The following ADGRE1 variants were observed in gnomAD, a reference collection of about 807,000 sequenced individuals.
ADGRE1 encodes adhesion G protein-coupled receptor E1.
ADGRE1 carries 82 observed loss-of-function variants against 102.7 expected under a neutral mutation model. The observed-to-expected ratio is 0.80, with a 90% CI of 0.67 to 0.96. ADGRE1 has a LOEUF of 0.96. Among genes scored for constraint, ADGRE1 ranks in the 40% least tolerant of loss-of-function variants. The probability of loss-of-function intolerance (pLI) is 0.00; values close to 1 mark genes in which losing one functional copy is unlikely to be tolerated. For synonymous variants in ADGRE1, 398 were observed against 399.6 expected (o/e 1.00, Z 0.05); for missense variants, 1,032 against 1,085.3 (o/e 0.95, Z 0.69).
In ADGRE1 at chr19:6,898,168, G is replaced by A. The variant is rs448152; in HGVS notation, c.514+621G>A. 1.9e-3 allele frequency: 1,319 copies of A among 694,102 alleles called. 18 individuals are homozygous for A. In the South Asian group the frequency reaches 0.022, roughly 11 times the overall value. The allele number at this position is 694,102 out of a possible 1,614,324, so 43.0% of individuals were successfully genotyped here. ...GTATGCTCAGATTCAAGATGGGGAC[G>A]TACCTTCCATTGCTTGACAGAAGAA... On this transcript the variant is annotated intron_variant, in intron 5 of 20. Transcript: ENST00000312053.
At chr19:6,915,940 A>C (rs1391801881) in intron 11 of ADGRE1, among the ~76,000 whole-genome samples, 1 of 150,990 alleles carries the variant, frequency 6.6e-6, no homozygotes, top group African/African-American at 2.4e-5. Context: ...AAAAAAAAAA[A>C]AAAAAACTTA....
At chr19:6,926,228 C>A (rs1974900964) in intron 15 of ADGRE1, 138 bp from the exon 16 acceptor site, 1 of 903,998 alleles carries the variant, frequency 1.1e-6, no homozygotes, top group Non-Finnish European at 1.7e-6. Context: ...AACCACTGCA[C>A]CTCTCTATAA....
At chr19:6,920,516 C>CATTTTT (rs1974612981) in intron 13 of ADGRE1, among the ~76,000 whole-genome samples, 1 of 75,736 alleles carries the variant, frequency 1.3e-5, no homozygotes, top group Non-Finnish European at 2.4e-5. Flanking sequence ...ACCATGCCCG[C>CATTTTT]TTTTTTTTTT....
At chr19:6,898,388 G>A (rs1257207274) in intron 5 of ADGRE1, 1 of 1,601,776 alleles carries the variant, frequency 6.2e-7, no homozygotes, top group Non-Finnish European at 8.6e-7. Context: ...TACAAGTGCA[G>A]CTGTTTAGAT....
Position 6,890,560 on chromosome 19 carries a change from G to T in ADGRE1, c.94+17G>T, listed in dbSNP as rs762363187. The T allele has an allele frequency of 2.5e-6, 4 of 1,611,242 alleles. No individual in the cohort carries two copies. In the African/African-American group the frequency reaches 5.4e-5, roughly 22 times the overall value. ...ACACAAAGGGTAAGTTGGCCAGAGA[G>T]AATGCAGATGCCTGAAGGGGTAGAG... On this transcript the variant is annotated intron_variant, in intron 2 of 20. Coordinates refer to ENST00000312053, the MANE Select transcript of ADGRE1 (RefSeq NM_001974.5).
At chr19:6,896,595 A>C in intron 3 of ADGRE1, 54 bp downstream of exon 3, 1 of 1,589,374 alleles carries the variant, frequency 6.3e-7, no homozygotes, top group South Asian at 1.1e-5. Context: ...ATCAAGTCAA[A>C]GCTGGCTGGG....
At position 6,937,327 on chromosome 19, in the gene ADGRE1, A is replaced by G. The variant is rs1364050763; in HGVS notation, c.2466A>G (p.Ala822=). 2 of 1,614,056 alleles carry G rather than the reference A, an allele frequency of 1.2e-6. No individual in the cohort carries two copies. The highest frequency in any genetic ancestry group is 1.7e-6 in the Non-Finnish European group (2 of 1,180,008). ...GCATTTTTCAGATTGGACCTGTGGC[A>G]GGTGTCATGGCTTACCTGTTCACCA... is the stretch of plus-strand genomic sequence containing the variant. ...VLGIFQIGPV[A]GVMAYLFTII... The change falls in exon 19 of 21, where the codon GCA becomes GCG. Residue 822 remains alanine, a synonymous_variant. Coordinates refer to ENST00000312053, the MANE Select transcript of ADGRE1 (RefSeq NM_001974.5).
chr19:6,911,916 TACAC>T (rs1193992402), intron 10 of ADGRE1, among the ~76,000 whole-genome samples: 1 of 150,708 alleles, frequency 6.6e-6, no homozygotes, highest in Non-Finnish European at 1.5e-5. Flanking sequence ...TTTACACACA[TACAC>T]ACATGTATAC....
At position 6,897,268 on chromosome 19, in the gene ADGRE1, T is replaced by A; in HGVS notation, c.358T>A (p.Trp120Arg). 1.9e-6 allele frequency: 3 copies of A among 1,613,922 alleles called. No homozygotes were observed. Among genetic ancestry groups the A allele is most frequent in the Non-Finnish European group, 2.5e-6 (3 of 1,179,992 alleles). ...DGFSSPTGNDWVPGKPGNFSC... is the reference protein window; with the variant it reads ...DGFSSPTGNDRVPGKPGNFSC... ...TTTCTCTTCTCCCACTGGAAATGAC[T>A]GGGTCCCAGGAAAGCCGGGCAATTT... Residue 120 changes from tryptophan (W) to arginine (R), a missense_variant, in exon 4 of 21, where the codon TGG becomes AGG. By Grantham distance (101) the Trp-to-Arg change is moderately radical. Coordinates refer to ENST00000312053, the MANE Select transcript of ADGRE1 (RefSeq NM_001974.5).
intron 1 of ADGRE1, among the ~76,000 whole-genome samples, chr19:6,888,874 G>A (rs374882357): frequency 6.6e-6 from 1 of 152,148 alleles, no homozygotes; most frequent in Non-Finnish European, 1.5e-5. Flanking sequence ...TTGGGGTGTT[G>A]GCAATGGTAT....
chr19:6,934,654 G>A (rs1433507881), intron 17 of ADGRE1, among the ~76,000 whole-genome samples: 2 of 149,362 alleles, frequency 1.3e-5, no homozygotes, highest in Non-Finnish European at 3.0e-5. Flanking sequence ...CTGGAGTGCA[G>A]TAGCACAATC....
chr19:6,929,622 A>G (rs1339552130), intron 17 of ADGRE1, among the ~76,000 whole-genome samples: 6 of 151,894 alleles, frequency 4.0e-5, no homozygotes, highest in African/African-American at 1.5e-4. Flanking sequence ...TCCTGGGTTC[A>G]AGCAATTATT....
chr19:6,924,982 A>C, intron 15 of ADGRE1, 110 bp downstream of exon 15: 2 of 1,139,884 alleles, frequency 1.8e-6, no homozygotes, highest in Non-Finnish European at 2.5e-6. Flanking sequence ...GGGCCTTTGC[A>C]TATGCTGTGC....
chr19:6,901,378 A>C (rs1366718448), intron 5 of ADGRE1, among the ~76,000 whole-genome samples: 1 of 152,184 alleles, frequency 6.6e-6, no homozygotes, highest in Non-Finnish European at 1.5e-5. Context: ...TCAGAGGCCC[A>C]ATAGAATGAA....
intron 8 of ADGRE1, among the ~76,000 whole-genome samples, chr19:6,905,386 T>A (rs889033149): frequency 1.2e-4 from 18 of 147,938 alleles, no homozygotes. Flanking sequence ...GGAGTCTCAC[T>A]CTGTCGCCCA....
chr19:6,892,723 A>T (rs1269964334), intron 2 of ADGRE1, among the ~76,000 whole-genome samples: 1 of 152,264 alleles, frequency 6.6e-6, no homozygotes, highest in African/African-American at 2.4e-5. Context: ...GTGTCCGTCA[A>T]CAGATGAATG....
chr19:6,907,826 T>G (rs767640789), intron 9 of ADGRE1, among the ~76,000 whole-genome samples: 6 of 152,232 alleles, frequency 3.9e-5, no homozygotes, highest in Non-Finnish European at 8.8e-5. Context: ...ATTTTCAAGG[T>G]TCTTTCATGC....
chr19:6,897,720 G>A lies in ADGRE1; in HGVS notation c.514+173G>A, dbSNP rs1351959820. 1.1e-5 allele frequency: 7 copies of A among 644,880 alleles called. No homozygotes were observed. The South Asian group carries it at 1.6e-4, about 15-fold the overall frequency. The allele number at this position is 644,880 out of a possible 1,614,324, so 39.9% of individuals were successfully genotyped here. On this transcript the variant is annotated intron_variant, in intron 5 of 20. Coordinates refer to ENST00000312053, the MANE Select transcript of ADGRE1 (RefSeq NM_001974.5). ...TTCTATCCCTTTACTTTGAGCCTGT[G>A]GGTGTCTTTACATGCTAGGTAGGTC... is the stretch of plus-strand genomic sequence containing the variant.
chr19:6,933,373 A>G (rs1324964031), intron 17 of ADGRE1, among the ~76,000 whole-genome samples: 2 of 151,084 alleles, frequency 1.3e-5, no homozygotes, highest in South Asian at 4.2e-4. Context: ...GGAAGTTGGC[A>G]AAGTGTGAAG....
Sources: allele counts gnomAD v4.1 joint callset (sites outside exome capture counted in the v4.1 genomes callset), GRCh38; gene constraint gnomAD v4.1.1; transcripts MANE v1.5; gene names NCBI Gene and HGNC (gene_info 2026-07-23, HGNC 2026-07-21).